The following PCDHA10 variants were observed in gnomAD, a reference collection of about 807,000 sequenced individuals.
The protein encoded by PCDHA10 is protocadherin alpha 10.
PCDHA10 carries 45 observed loss-of-function variants against 61.2 expected under a neutral mutation model. That is an observed-to-expected ratio of 0.74 (90% CI 0.58 to 0.94). The LOEUF is 0.94. PCDHA10 is among the 40% of genes least tolerant of loss of function. The pLI, the probability that PCDHA10 is intolerant of heterozygous loss-of-function variation, is 0.00. For missense variants in PCDHA10, 1,278 were observed against 1,236.2 expected (o/e 1.03, Z -0.51); for synonymous variants, 602 against 548.8 (o/e 1.10, Z -1.35).
intron 1 of PCDHA10, chr5:140,968,527 G>T: frequency 3.1e-6 from 5 of 1,614,142 alleles, no homozygotes; most frequent in Non-Finnish European, 4.2e-6. Flanking sequence ...CAACCAACTC[G>T]TCAGCAGCCT....
rs535981750 is a variant in PCDHA10 at position 140,934,094 on chromosome 5, GCTTT to G, written c.2389-44852_2389-44849del. Among the ~76,000 whole-genome samples, 58 of 151,890 alleles carry G rather than the reference GCTTT, an allele frequency of 3.8e-4. 1 individual carries two copies. The highest frequency in any genetic ancestry group is 6.8e-3 in the Middle Eastern group (2 of 292). ...TTTGGGTTCGCTTTGTTGTATGTTT[GCTTT>G]CTATTTTATTAATTTTCATACTTTA... On this transcript the variant is annotated intron_variant, in intron 1 of 3. Transcript: ENST00000307360.
intron 1 of PCDHA10, among the ~76,000 whole-genome samples, chr5:140,913,589 T>G (rs1342360734): frequency 6.6e-6 from 1 of 152,168 alleles, no homozygotes; most frequent in Non-Finnish European, 1.5e-5. Context: ...TATTTCTGCT[T>G]TGATCTTTAT....
chr5:140,891,904 T>A (rs1429453216), intron 1 of PCDHA10, among the ~76,000 whole-genome samples: 3 of 152,212 alleles, frequency 2.0e-5, no homozygotes, highest in Non-Finnish European at 4.4e-5. Flanking sequence ...AAGAAGATCT[T>A]CACCAGATGC....
chr5:140,869,918 G>A, intron 1 of PCDHA10: 1 of 1,611,272 alleles, frequency 6.2e-7, no homozygotes. Context: ...CGAGACGAAG[G>A]AGTCAATGGA....
At chr5:140,989,105 T>G (rs550881823) in intron 3 of PCDHA10, 2 of 152,232 alleles carry the variant, frequency 1.3e-5, no homozygotes, top group African/African-American at 4.8e-5. Flanking sequence ...GAAACAACTT[T>G]TGAATATATC....
intron 1 of PCDHA10, among the ~76,000 whole-genome samples, chr5:140,971,962 T>C (rs1392143830): frequency 6.6e-6 from 1 of 152,150 alleles, no homozygotes; most frequent in Non-Finnish European, 1.5e-5. Context: ...CAAAAACTTT[T>C]TTTCAATACT....
At chr5:140,870,751 C>T in intron 1 of PCDHA10, 3 of 1,613,546 alleles carry the variant, frequency 1.9e-6, no homozygotes, top group Non-Finnish European at 2.5e-6. Context: ...CAACGTGACG[C>T]TGCAGGTGTT....
chr5:140,863,268 G>T (rs781869652), intron 1 of PCDHA10: 5 of 1,459,234 alleles, frequency 3.4e-6, no homozygotes, highest in African/African-American at 1.4e-5. Flanking sequence ...GGGAGGCAGC[G>T]CTGGTGGATG....
intron 1 of PCDHA10, chr5:140,860,221 A>G (rs545032981): frequency 3.3e-5 from 5 of 149,836 alleles, no homozygotes; most frequent in Non-Finnish European, 7.4e-5. Flanking sequence ...ACTTATGTAT[A>G]TATAAGCCAG....
intron 1 of PCDHA10, among the ~76,000 whole-genome samples, chr5:140,975,572 C>T (rs1356117545): frequency 6.6e-6 from 1 of 152,202 alleles, no homozygotes; most frequent in African/African-American, 2.4e-5. Context: ...ATATTATATG[C>T]AGTCTCATGT....
chr5:140,938,065 C>A (rs2091903151), intron 1 of PCDHA10, among the ~76,000 whole-genome samples: 1 of 152,094 alleles, frequency 6.6e-6, no homozygotes, highest in Admixed American at 6.5e-5. Context: ...TACTGTCATG[C>A]TATTCCCAAA....
chr5:140,976,287 AAGCCTGTAATCCC>A (rs1253731489), intron 1 of PCDHA10, among the ~76,000 whole-genome samples: 3 of 152,196 alleles, frequency 2.0e-5, no homozygotes, highest in Admixed American at 6.5e-5. Flanking sequence ...ACAGTGGCTC[AAGCCTGTAATCCC>A]AGCACTTTGG....
At chr5:140,885,434 T>C (rs1554182149) in intron 1 of PCDHA10, among the ~76,000 whole-genome samples, 1 of 152,158 alleles carries the variant, frequency 6.6e-6, no homozygotes, top group African/African-American at 2.4e-5. Context: ...AGTGTAAGTG[T>C]GCAATTATAT....
chr5:140,876,022 A>G lies in PCDHA10; in HGVS notation c.2388+17586A>G, dbSNP rs782132751. ...TGAGAATTTTGAGCTTAAAATAAAA[A>G]CAAAAAAAGATAAAAGTATATTGCC... On this transcript the variant is annotated intron_variant, in intron 1 of 3. Coordinates refer to ENST00000307360, the MANE Select transcript of PCDHA10 (RefSeq NM_018901.4). 1.7e-5 allele frequency: 28 copies of G among 1,613,632 alleles called. No homozygotes were observed. The highest frequency in any genetic ancestry group is 2.2e-5 in the Non-Finnish European group (26 of 1,179,850).
At chr5:140,942,364 A>AT (rs1401660324) in intron 1 of PCDHA10, among the ~76,000 whole-genome samples, 1 of 152,040 alleles carries the variant, frequency 6.6e-6, no homozygotes, top group Non-Finnish European at 1.5e-5. Context: ...GTTAACGGAG[A>AT]TTGCACCACT....
rs373714901 is a variant in PCDHA10, at chr5:140,898,150, G to T, written c.2388+39714G>T. 6.9e-3 allele frequency among the ~76,000 whole-genome samples: 1,047 copies of T among 152,166 alleles called. 8 individuals are homozygous for T. The highest frequency in any genetic ancestry group is 0.024 in the African/African-American group (1,013 of 41,482). ...CCCATTTTGTAGGTTGCCTGTTCAC[G>T]CTGATGGTGGTTTCTTTTGCTGTGC... On this transcript the variant is annotated intron_variant, in intron 1 of 3. Transcript: ENST00000307360.
chr5:140,986,758 G>A (rs1242772553), intron 3 of PCDHA10, among the ~76,000 whole-genome samples: 1 of 152,194 alleles, frequency 6.6e-6, no homozygotes, highest in Non-Finnish European at 1.5e-5. Context: ...ACTAAACAGT[G>A]AAAGATTAAT....
chr5:140,918,572 G>T (rs2153549346), intron 1 of PCDHA10, among the ~76,000 whole-genome samples: 1 of 152,264 alleles, frequency 6.6e-6, no homozygotes, highest in Middle Eastern at 3.4e-3. Context: ...ATATTATGCT[G>T]CTATTGGCTA....
At chr5:140,882,452 C>A (rs782448323) in intron 1 of PCDHA10, 1 of 1,614,042 alleles carries the variant, frequency 6.2e-7, no homozygotes, top group East Asian at 2.2e-5. Context: ...GCTGGTGCCG[C>A]GCCTGTTCCG....
Sources: allele counts gnomAD v4.1 joint callset (sites outside exome capture counted in the v4.1 genomes callset), GRCh38; gene constraint gnomAD v4.1.1; transcripts MANE v1.5; gene names NCBI Gene and HGNC (gene_info 2026-07-23, HGNC 2026-07-21).